GATA4: variants seen among roughly 807,000 people sequenced by gnomAD.
The protein encoded by GATA4 is GATA binding protein 4, also known as transcription factor GATA-4.
GATA4 carries 7 observed loss-of-function variants against 37.9 expected under a neutral mutation model. The ratio of observed to expected loss-of-function variants is 0.18; its 90% CI spans 0.11 to 0.35. GATA4 has a LOEUF of 0.35. Ranked by LOEUF, GATA4 falls within the 10% of genes least tolerant of loss-of-function variation. GATA4 has a pLI of 1.00. For synonymous variants in GATA4, 372 were observed against 292.6 expected, an observed-to-expected ratio of 1.27 and a Z score of -2.77; for missense variants, 647 against 653.0, an observed-to-expected ratio of 0.99 and a Z score of 0.10.
chr8:11,757,673 A>G (rs2645456), intron 6 of GATA4, among the ~76,000 whole-genome samples: 43,539 of 152,114 alleles, frequency 0.29, 7,303 homozygotes, highest in Admixed American at 0.38. Flanking sequence ...CTTTCATGAG[A>G]CCCAGCTCTG....
At chr8:11,746,061 C>T (rs1802015607) in intron 2 of GATA4, among the ~76,000 whole-genome samples, 1 of 152,248 alleles carries the variant, frequency 6.6e-6, no homozygotes, top group South Asian at 2.1e-4. Context: ...AGGAGGATCA[C>T]TTGAACCCAG....
rs1476873939 is a variant in GATA4 at position 11,758,917 on chromosome 8, A to T, written c.*442A>T. 2 of 305,878 alleles carry T rather than the reference A, an allele frequency of 6.5e-6. No homozygotes were observed. The highest frequency in any genetic ancestry group is 4.5e-5 in the Admixed American group (1 of 22,442). The allele number at this position is 305,878 out of a possible 1,614,324, so 18.9% of individuals were successfully genotyped here. Reference sequence around the variant, plus strand: ...ACCTGGATGCGACGGGCCCCTGGGGACAGGCCCTTGCCCCATCCATCCGCT... The same window carrying T: ...ACCTGGATGCGACGGGCCCCTGGGGTCAGGCCCTTGCCCCATCCATCCGCT... On this transcript the variant is annotated 3_prime_UTR_variant, in exon 7 of 7. Coordinates refer to ENST00000532059, the MANE Select transcript of GATA4 (RefSeq NM_001308093.3).
chr8:11,691,181 C>T (rs926938625), upstream of GATA4, among the ~76,000 whole-genome samples: 1 of 152,226 alleles, frequency 6.6e-6, no homozygotes, highest in East Asian at 1.9e-4. Flanking sequence ...GTAAATGGAT[C>T]CCAGTTTTCA....
chr8:11,727,012 C>A (rs985379011), intron 2 of GATA4, among the ~76,000 whole-genome samples: 2 of 152,166 alleles, frequency 1.3e-5, no homozygotes, highest in Middle Eastern at 3.4e-3. Context: ...CTCCATGATC[C>A]TTCCTGGAGA....
intron 1 of GATA4, among the ~76,000 whole-genome samples, chr8:11,705,016 C>A (rs1799829999): frequency 6.6e-6 from 1 of 152,228 alleles, no homozygotes; most frequent in South Asian, 2.1e-4. Flanking sequence ...CTGCCCGGAT[C>A]CGCCGGGTTA....
intron 1 of GATA4, among the ~76,000 whole-genome samples, chr8:11,683,638 A>T (rs892981261): frequency 6.6e-6 from 1 of 152,256 alleles, no homozygotes; most frequent in Non-Finnish European, 1.5e-5. Context: ...TGACAGGTTA[A>T]ATTATTTGCC....
At position 11,708,529 on chromosome 8, in the gene GATA4, G is replaced by A. The variant is rs1234433981; in HGVS notation, c.217G>A (p.Gly73Arg). ...SGGASGGSSG[G>R]AASGAGPGTQ... The stretch of plus-strand genomic sequence containing the variant: ...AGGCGCCTCGGGCGGCAGCTCCGGT[G>A]GGGCCGCGTCTGGTGCGGGGCCCGG... Residue 73 changes from glycine (G) to arginine (R), a missense_variant, in exon 2 of 7, where the codon GGG (glycine) becomes AGG (arginine). Coordinates refer to ENST00000532059, the MANE Select transcript of GATA4 (RefSeq NM_001308093.3). This position sits in a 1 kb window ranked among gnomAD's most constrained non-coding sequence, Gnocchi z 6.7. 3 of 1,452,976 alleles carry A rather than the reference G, an allele frequency of 2.1e-6. No individual in the cohort carries two copies. Among genetic ancestry groups the A allele is most frequent in the Admixed American group, 2.6e-5 (1 of 38,842 alleles). 90.0% of individuals were successfully genotyped at this position (1,452,976 alleles called of 1,614,324 possible). A position where few individuals can be genotyped will look rare whatever the true frequency, so the allele number is the denominator to read the frequency against.
At chr8:11,697,626 C>T (rs1799544223) in intron 1 of GATA4, 2 of 985,406 alleles carry the variant, frequency 2.0e-6, no homozygotes, top group Non-Finnish European at 2.4e-6. Context: ...GCCGGGCCTC[C>T]GGCCCCAGCA....
At chr8:11,692,287 A>G (rs1472474969), upstream of GATA4, among the ~76,000 whole-genome samples, 1 of 152,222 alleles carries the variant, frequency 6.6e-6, no homozygotes, top group Non-Finnish European at 1.5e-5. Flanking sequence ...ACACCTTTTC[A>G]AGCACAGCAA....
chr8:11,730,489 G>A (rs1801152859), intron 2 of GATA4, among the ~76,000 whole-genome samples: 1 of 152,222 alleles, frequency 6.6e-6, no homozygotes, highest in Non-Finnish European at 1.5e-5. Flanking sequence ...GGGATCTGAA[G>A]AGTGATTATT....
rs190878198 is a variant in GATA4, at chr8:11,709,818, C to G, written c.616+890C>G. On this transcript the variant is annotated intron_variant, in intron 2 of 6. Coordinates refer to ENST00000532059, the MANE Select transcript of GATA4 (RefSeq NM_001308093.3). The surrounding 1 kb of genome is among the most constrained non-coding windows in gnomAD (Gnocchi z 4.3). Reference sequence around the variant, plus strand: ...ACCTCCACTGATTCACAAATAAACGCAGCGGGATCTGAGAAGGGGCCTGAG... The same window carrying G: ...ACCTCCACTGATTCACAAATAAACGGAGCGGGATCTGAGAAGGGGCCTGAG... Among the ~76,000 whole-genome samples the G allele has an allele frequency of 4.2e-3, 637 of 152,256 alleles. 4 individuals are homozygous for G. Among genetic ancestry groups the G allele is most frequent in the African/African-American group, 0.015 (605 of 41,546 alleles).
chr8:11,707,987 G>A lies in GATA4; in HGVS notation c.-326G>A. On this transcript the variant is annotated 5_prime_UTR_variant, in exon 2 of 7. Transcript: ENST00000532059. The surrounding 1 kb of genome is among the most constrained non-coding windows in gnomAD (Gnocchi z 4.7). ...TCGTGCGCCACCTCCAGGCCTGGAC[G>A]CTGCCCTCCGTCTTCTGCCCCCAAT... 1 of 387,232 alleles carries A rather than the reference G, an allele frequency of 2.6e-6. No homozygotes were observed. Among genetic ancestry groups the A allele is most frequent in the Non-Finnish European group, 4.9e-6 (1 of 203,564 alleles). The allele number at this position is 387,232 out of a possible 1,614,324, so 24.0% of individuals were successfully genotyped here.
chr8:11,688,845 G>T (rs910676142), upstream of GATA4, among the ~76,000 whole-genome samples: 4 of 152,226 alleles, frequency 2.6e-5, no homozygotes, highest in African/African-American at 4.8e-5. Flanking sequence ...GCACAAACTG[G>T]TGGAGAGATG....
At chr8:11,755,428 C>T (rs533041014) in intron 5 of GATA4, among the ~76,000 whole-genome samples, 1 of 152,366 alleles carries the variant, frequency 6.6e-6, no homozygotes, top group South Asian at 2.1e-4. Context: ...GAAAGAGGAA[C>T]TTTACTCGGT....
At position 11,680,742 on chromosome 8, in the gene GATA4, G is replaced by A. The variant is rs954305848; in HGVS notation, c.-274+3679G>A. 18 of 985,248 alleles carry A rather than the reference G, an allele frequency of 1.8e-5. No individual in the cohort carries two copies. The African/African-American group carries it at 3.1e-4, about 17-fold the overall frequency. 61.0% of individuals were successfully genotyped at this position (985,248 alleles called of 1,614,324 possible). On this transcript the variant is annotated intron_variant, in intron 1 of 6. Coordinates refer to the GATA4 transcript ENST00000528712. ...GCACGGATACCCTGGGCGGCGAGGA[G>A]AGCCCGGCTTCTGCGCACCCCTCTC... is the stretch of plus-strand genomic sequence containing the variant.
intron 2 of GATA4, among the ~76,000 whole-genome samples, chr8:11,742,783 G>T (rs760069895): frequency 2.0e-5 from 3 of 152,280 alleles, no homozygotes; most frequent in Non-Finnish European, 2.9e-5. Flanking sequence ...CCCACACCCA[G>T]GCGCCAGCCG....
chr8:11,699,665 G>T (rs1315219546), upstream of GATA4, among the ~76,000 whole-genome samples: 1 of 152,216 alleles, frequency 6.6e-6, no homozygotes, highest in African/African-American at 2.4e-5. Context: ...CCCCTGCCTG[G>T]ACTTGCAGGC....
chr8:11,692,630 G>A (rs1799352483), exon 1 of GATA4: 15 of 985,188 alleles, frequency 1.5e-5, no homozygotes, highest in African/African-American at 1.7e-5. Context: ...GGGACCCGCG[G>A]CCTCTGCGCC....
chr8:11,683,578 C>G (rs1359583318), intron 1 of GATA4, among the ~76,000 whole-genome samples: 1 of 152,164 alleles, frequency 6.6e-6, no homozygotes, highest in African/African-American at 2.4e-5. Context: ...TTCATTCATT[C>G]GGCAAACATT....
Sources: allele counts gnomAD v4.1 joint callset (sites outside exome capture counted in the v4.1 genomes callset), GRCh38; gene constraint gnomAD v4.1.1; non-coding constraint Gnocchi (gnomAD v3.1); transcripts MANE v1.5; gene names NCBI Gene and HGNC (gene_info 2026-07-23, HGNC 2026-07-21).